The following EYS variants were observed in gnomAD, a reference collection of about 807,000 sequenced individuals.
EYS encodes the protein EGF-like photoreceptor maintenance factor, also known as protein eyes shut homolog.
Under a neutral mutation model 282.1 loss-of-function variants are expected in EYS, and 250 were observed. The ratio of observed to expected loss-of-function variants is 0.89; its 90% CI spans 0.80 to 0.98. The LOEUF (loss-of-function observed/expected upper bound fraction) is 0.98, where lower values mean the gene tolerates loss of function less well. Ranked by LOEUF, EYS falls within the 50% of genes least tolerant of loss-of-function variation. The pLI is 0.00. For synonymous variants in EYS, 1,355 were observed against 1,282.9 expected (o/e 1.06, Z -1.20); for missense variants, 4,016 against 3,709.0 (o/e 1.08, Z -2.15).
intron 40 of EYS, among the ~76,000 whole-genome samples, chr6:63,771,589 A>AT (rs1769926882): frequency 1.3e-5 from 2 of 152,320 alleles, no homozygotes; most frequent in East Asian, 1.9e-4. Context: ...ACTTTAGAAG[A>AT]TAAACATTCC....
At chr6:63,998,412 G>C (rs888553504) in intron 34 of EYS, among the ~76,000 whole-genome samples, 3 of 152,102 alleles carry the variant, frequency 2.0e-5, no homozygotes, top group Admixed American at 1.3e-4. Context: ...AATTCATTAA[G>C]GCAGTGCATA....
chr6:64,201,200 G>T (rs1362933092), intron 31 of EYS, among the ~76,000 whole-genome samples: 1 of 152,054 alleles, frequency 6.6e-6, no homozygotes, highest in African/African-American at 2.4e-5. Flanking sequence ...TGAAATGAAG[G>T]ATAGGCTGTT....
intron 12 of EYS, among the ~76,000 whole-genome samples, chr6:65,236,169 G>T (rs1193888973): frequency 6.6e-6 from 1 of 152,032 alleles, no homozygotes; most frequent in Non-Finnish European, 1.5e-5. Context: ...AAAATATCTT[G>T]AGGATCCTAA....
intron 19 of EYS, among the ~76,000 whole-genome samples, chr6:64,872,096 T>C (rs1766615980): frequency 6.6e-6 from 1 of 151,988 alleles, no homozygotes; most frequent in South Asian, 2.1e-4. Flanking sequence ...CAAATTTATA[T>C]AGTAGCCAGG....
At chr6:65,111,410 G>C (rs1337254583) in intron 12 of EYS, among the ~76,000 whole-genome samples, 2 of 152,012 alleles carry the variant, frequency 1.3e-5, no homozygotes, top group Non-Finnish European at 2.9e-5. Context: ...AAACTTCCTA[G>C]CAATATAGAC....
At chr6:64,320,371 AT>A (rs540827583) in intron 29 of EYS, among the ~76,000 whole-genome samples, 1 of 151,338 alleles carries the variant, frequency 6.6e-6, no homozygotes, top group African/African-American at 2.4e-5. Flanking sequence ...ATCTCTGCTC[AT>A]TTTTTCCCCA....
chr6:63,817,281 A>G (rs1771203017), intron 36 of EYS, among the ~76,000 whole-genome samples: 1 of 152,212 alleles, frequency 6.6e-6, no homozygotes, highest in Admixed American at 6.5e-5. Flanking sequence ...GGGGATGGTG[A>G]GGCCACCTAG....
chr6:65,491,454 C>T, intron 4 of EYS: 2 of 319,116 alleles, frequency 6.3e-6, no homozygotes, highest in Non-Finnish European at 6.3e-6. Context: ...TGTTTTTTTC[C>T]CCAGTTTAAT....
At chr6:65,199,756 A>T (rs1462676255) in intron 12 of EYS, among the ~76,000 whole-genome samples, 1 of 152,120 alleles carries the variant, frequency 6.6e-6, no homozygotes, top group Non-Finnish European at 1.5e-5. Flanking sequence ...GCTGAATAGC[A>T]GAAACAAGAG....
intron 5 of EYS, among the ~76,000 whole-genome samples, chr6:65,479,428 C>G (rs1765524957): frequency 6.6e-6 from 1 of 152,052 alleles, no homozygotes; most frequent in Admixed American, 6.6e-5. Flanking sequence ...TTTTATAGAA[C>G]CTCAAATTTG....
chr6:65,635,577 G>A (rs1240724553), intron 2 of EYS, among the ~76,000 whole-genome samples: 1 of 152,032 alleles, frequency 6.6e-6, no homozygotes, highest in Non-Finnish European at 1.5e-5. Context: ...GCCTCCCAAA[G>A]TACAAGGATT....
At chr6:65,138,968 C>T (rs1159063748) in intron 12 of EYS, among the ~76,000 whole-genome samples, 2 of 152,080 alleles carry the variant, frequency 1.3e-5, no homozygotes, top group African/African-American at 4.8e-5. Context: ...AAAGTGAATG[C>T]TTATGCACTG....
intron 15 of EYS, among the ~76,000 whole-genome samples, chr6:64,917,684 A>G (rs1245667463): frequency 1.3e-5 from 2 of 152,130 alleles, no homozygotes; most frequent in Non-Finnish European, 2.9e-5. Flanking sequence ...TTTAAGAGAG[A>G]TTTTAAGTGC....
chr6:64,193,962 C>T (rs1271629686), intron 31 of EYS, among the ~76,000 whole-genome samples: 2 of 152,108 alleles, frequency 1.3e-5, no homozygotes, highest in African/African-American at 2.4e-5. Flanking sequence ...AATAAACATA[C>T]GTGTGCATGT....
At chr6:64,531,519 T>A (rs1376392326) in intron 26 of EYS, among the ~76,000 whole-genome samples, 5 of 147,400 alleles carry the variant, frequency 3.4e-5, no homozygotes, top group African/African-American at 1.2e-4. Context: ...CCCGAATATC[T>A]GGGACTGCAA....
At chr6:65,618,538 G>A (rs1766318296) in intron 2 of EYS, among the ~76,000 whole-genome samples, 1 of 152,186 alleles carries the variant, frequency 6.6e-6, no homozygotes, top group Non-Finnish European at 1.5e-5. Flanking sequence ...CTTTTGCTGT[G>A]CAGAAGCTCT....
At chr6:64,643,807 C>T (rs1199986779) in intron 22 of EYS, among the ~76,000 whole-genome samples, 8 of 152,232 alleles carry the variant, frequency 5.3e-5, no homozygotes, top group Non-Finnish European at 1.2e-4. Flanking sequence ...TAAGACGTGA[C>T]TTGCTCCTCC....
At chr6:64,999,108 A>G (rs1429240735) in intron 13 of EYS, among the ~76,000 whole-genome samples, 1 of 152,244 alleles carries the variant, frequency 6.6e-6, no homozygotes, top group African/African-American at 2.4e-5. Context: ...ATTAATACAG[A>G]CAAGGAATGT....
chr6:64,333,508 G>A (rs1770717285), intron 29 of EYS, among the ~76,000 whole-genome samples: 1 of 152,246 alleles, frequency 6.6e-6, no homozygotes, highest in Non-Finnish European at 1.5e-5. Flanking sequence ...ACTATACACA[G>A]GAAGGGTTGC....
Sources: gnomAD v4.1 joint callset for allele counts (sites outside exome capture counted in the v4.1 genomes callset) on GRCh38, gnomAD v4.1.1 for gene constraint, MANE v1.5 for transcripts, NCBI Gene and HGNC (gene_info 2026-07-23, HGNC 2026-07-21) for gene names.